Variants in BIRC6 observed in about 807,000 individuals in gnomAD.
BIRC6 encodes dual E2 ubiquitin-conjugating enzyme/E3 ubiquitin-protein ligase BIRC6.
BIRC6 carries 98 observed loss-of-function variants against 503.3 expected under a neutral mutation model. That is an observed-to-expected ratio of 0.19 (90% CI 0.17 to 0.23). The LOEUF is 0.23. BIRC6 is among the 10% of genes least tolerant of loss of function. The pLI, the probability that BIRC6 is intolerant of heterozygous loss-of-function variation, is 1.00. For synonymous variants in BIRC6, 2,240 were observed against 2,078.7 expected, an observed-to-expected ratio of 1.08 and a Z score of -2.11; for missense variants, 5,360 against 5,806.0, an observed-to-expected ratio of 0.92 and a Z score of 2.50.
At chr2:32,508,431 G>A (rs2054040495) in intron 51 of BIRC6, among the ~76,000 whole-genome samples, 172 bp downstream of exon 51, 1 of 151,292 alleles carries the variant, frequency 6.6e-6, no homozygotes, top group Non-Finnish European at 1.5e-5. Flanking sequence ...ACAGTTTTGT[G>A]GAAACAGAAT....
At chr2:32,408,833 C>A (rs930717318) in intron 9 of BIRC6, among the ~76,000 whole-genome samples, 17 of 152,210 alleles carry the variant, frequency 1.1e-4, no homozygotes, top group Non-Finnish European at 1.5e-4. Flanking sequence ...AAATATCTTT[C>A]CAGTTCAAAA....
intron 53 of BIRC6, 101 bp from the exon 54 acceptor site, chr2:32,512,832 C>T: frequency 1.8e-5 from 15 of 819,084 alleles, no homozygotes; most frequent in East Asian, 5.4e-5. Context: ...GTGCATTATT[C>T]TCATAAATAC....
chr2:32,416,583 T>A (rs1490733540), intron 10 of BIRC6, among the ~76,000 whole-genome samples: 1 of 152,024 alleles, frequency 6.6e-6, no homozygotes, highest in Admixed American at 6.6e-5. Flanking sequence ...CTGGCACAGT[T>A]ATTGGTCCTT....
intron 23 of BIRC6, among the ~76,000 whole-genome samples, chr2:32,454,607 G>T (rs866642496): frequency 2.6e-5 from 4 of 152,224 alleles, no homozygotes; most frequent in Admixed American, 6.5e-5. Context: ...TCACTGAAGG[G>T]TTTGACTGTT....
At chr2:32,594,340 A>G (rs1436967502) in intron 67 of BIRC6, 1 of 274,218 alleles carries the variant, frequency 3.6e-6, no homozygotes, top group Non-Finnish European at 6.8e-6. Flanking sequence ...AATTGAAAAA[A>G]TGCCTTTATA....
Position 32,618,026 on chromosome 2 carries a change from TAAG to T in BIRC6, c.*123_*125del. ...TGAAACTGAAACTATACTATGCCCT[TAAG>T]GAGATCCAGTTTAATTCAAGGTGAT... On this transcript the variant is annotated 3_prime_UTR_variant, in exon 74 of 74. Coordinates refer to ENST00000421745, the MANE Select transcript of BIRC6 (RefSeq NM_016252.4). 1 of 943,708 alleles carries T rather than the reference TAAG, an allele frequency of 1.1e-6. No homozygotes were observed. The highest frequency in any genetic ancestry group is 1.5e-6 in the Non-Finnish European group (1 of 655,498). The allele number at this position is 943,708 out of a possible 1,614,324, so 58.5% of individuals were successfully genotyped here. A position where few individuals can be genotyped will look rare whatever the true frequency, so the allele number is the denominator to read the frequency against.
In BIRC6 at chr2:32,370,743, G is replaced by T. The variant is rs930747627; in HGVS notation, c.326-6845G>T. On this transcript the variant is annotated intron_variant, in intron 1 of 73. Transcript: ENST00000421745. ...TACATAGTAGGTGTATATATTTTTG[G>T]GTTACAGGAGATGTTCTGATACAGG... Among the ~76,000 whole-genome samples, 8 of 151,696 alleles carry T rather than the reference G, an allele frequency of 5.3e-5. No homozygotes were observed. The South Asian group carries it at 1.5e-3, about 28-fold the overall frequency.
intron 37 of BIRC6, among the ~76,000 whole-genome samples, 159 bp downstream of exon 37, chr2:32,479,776 C>T (rs548893792): frequency 4.8e-4 from 73 of 152,160 alleles, no homozygotes; most frequent in African/African-American, 1.7e-3. Flanking sequence ...TACATTTTAT[C>T]TTGGTTCTCA....
intron 9 of BIRC6, among the ~76,000 whole-genome samples, chr2:32,411,847 A>G (rs1006853103): frequency 1.6e-4 from 25 of 152,306 alleles, no homozygotes; most frequent in African/African-American, 5.5e-4. Context: ...AGTTTCTGCC[A>G]TTGAGATAGA....
intron 54 of BIRC6, 34 bp from the exon 55 acceptor site, chr2:32,514,956 T>G (rs761237418): frequency 1.4e-6 from 2 of 1,457,370 alleles, no homozygotes; most frequent in Non-Finnish European, 1.9e-6. Context: ...AAAAATATAC[T>G]TGTATCATTA....
intron 3 of BIRC6, among the ~76,000 whole-genome samples, chr2:32,381,239 T>C (rs934469300): frequency 6.6e-6 from 1 of 152,142 alleles, no homozygotes; most frequent in African/African-American, 2.4e-5. Flanking sequence ...TTGCTTTTTT[T>C]CTTTTATTTT....
intron 1 of BIRC6, among the ~76,000 whole-genome samples, chr2:32,368,858 G>A (rs1196551579): frequency 6.6e-6 from 1 of 152,086 alleles, no homozygotes; most frequent in African/African-American, 2.4e-5. Flanking sequence ...CACCATGTTG[G>A]CCAGGCTGGT....
chr2:32,478,943 T>G (rs1042417413), intron 36 of BIRC6, 125 bp downstream of exon 36: 1 of 870,556 alleles, frequency 1.1e-6, no homozygotes, highest in African/African-American at 1.7e-5. Context: ...AAAGGTCTGT[T>G]TAATCGGTGT....
intron 10 of BIRC6, among the ~76,000 whole-genome samples, chr2:32,428,166 A>G (rs967103390): frequency 6.6e-6 from 1 of 152,178 alleles, no homozygotes; most frequent in Non-Finnish European, 1.5e-5. Context: ...TCTCTTTTGC[A>G]TAGGCATAGA....
At position 32,357,461 on chromosome 2, in the gene BIRC6, C is replaced by G. The variant is rs2033249601; in HGVS notation, c.300C>G (p.Ala100=). 4 of 1,550,318 alleles carry G rather than the reference C, an allele frequency of 2.6e-6. No homozygotes were observed. Among genetic ancestry groups the G allele is most frequent in the Non-Finnish European group, 2.6e-6 (3 of 1,147,208 alleles). ...AAGTCATCGACGGCACCTCGGGGGCCACACTGCAGGCCTCCGCGCTCAGTG... is the reference window on the plus strand; with the variant it reads ...AAGTCATCGACGGCACCTCGGGGGCGACACTGCAGGCCTCCGCGCTCAGTG... The part of the protein sequence containing the change: ...TIKVIDGTSG[A]TLQASALSAK... Residue 100 remains alanine (A), a synonymous_variant, in exon 1 of 74, where the codon GCC becomes GCG. Coordinates refer to ENST00000421745, the MANE Select transcript of BIRC6 (RefSeq NM_016252.4). This position sits in a 1 kb window ranked among gnomAD's most constrained non-coding sequence, Gnocchi z 4.9.
chr2:32,548,154 T>TA (rs1208560805), intron 64 of BIRC6, 140 bp downstream of exon 64: 15 of 647,616 alleles, frequency 2.3e-5, no homozygotes, highest in Non-Finnish European at 3.3e-5. Flanking sequence ...CATTCTAAGA[T>TA]ACCACTGGAT....
At chr2:32,442,033 TG>T in intron 17 of BIRC6, 31 bp from the exon 18 acceptor site, 1 of 1,448,544 alleles carries the variant, frequency 6.9e-7, no homozygotes. Context: ...CTGTTTTGTT[TG>T]GTAATGTGTT....
In BIRC6 at chr2:32,397,337, T is replaced by A. The variant is rs139807256; in HGVS notation, c.1034+1744T>A. ...GATACAATAAATTATCTGGGCGTGG[T>A]GGTGTGCACCTGTAATTCCAGCTAC... is the stretch of plus-strand genomic sequence containing the variant. On this transcript the variant is annotated intron_variant, in intron 6 of 73. Transcript: ENST00000421745. Among the ~76,000 whole-genome samples, 1,132 of 151,974 alleles carry A rather than the reference T, an allele frequency of 7.4e-3. 8 individuals carry two copies. The highest frequency in any genetic ancestry group is 0.02 in the Middle Eastern group (6 of 294).
chr2:32,440,751 T>TTTATTATTATTATTATTATTATTA (rs769945864), intron 16 of BIRC6, among the ~76,000 whole-genome samples: 136 of 147,178 alleles, frequency 9.2e-4, no homozygotes, highest in African/African-American at 2.8e-3. Flanking sequence ...TGTTTATTTA[T>TTTATTATTATTATTATTATTATTA]TTATTATTAT....
Sources: allele counts gnomAD v4.1 joint callset (sites outside exome capture counted in the v4.1 genomes callset), GRCh38; gene constraint gnomAD v4.1.1; non-coding constraint Gnocchi (gnomAD v3.1); transcripts MANE v1.5; gene names NCBI Gene and HGNC (gene_info 2026-07-23, HGNC 2026-07-21).